Variants in DAPK1 observed in about 807,000 individuals in gnomAD.
DAPK1 encodes the protein death-associated protein kinase 1.
DAPK1 carries 56 observed loss-of-function variants against 144.9 expected under a neutral mutation model. The ratio of observed to expected loss-of-function variants is 0.39; its 90% confidence interval spans 0.31 to 0.48. The LOEUF is 0.48. Ranked by LOEUF, DAPK1 falls within the 20% of genes least tolerant of loss-of-function variation. DAPK1 has a pLI of 0.95. For synonymous variants in DAPK1, 690 were observed against 749.0 expected (o/e 0.92, Z 1.29); for missense variants, 1,454 against 1,875.4 (o/e 0.78, Z 4.15).
At chr9:87,687,175 G>A (rs1415286280) in intron 21 of DAPK1, among the ~76,000 whole-genome samples, 2 of 152,052 alleles carry the variant, frequency 1.3e-5, no homozygotes, top group African/African-American at 4.8e-5. Context: ...AAAATACAAC[G>A]CATTGTTAAC....
At chr9:87,566,769 T>C (rs1004683515) in intron 2 of DAPK1, among the ~76,000 whole-genome samples, 5 of 152,190 alleles carry the variant, frequency 3.3e-5, no homozygotes, top group East Asian at 1.9e-4. Context: ...GGTTGGACTC[T>C]TGGAAGGATG....
chr9:87,501,333 A>G (rs987061190), intron 2 of DAPK1, among the ~76,000 whole-genome samples: 4 of 152,236 alleles, frequency 2.6e-5, no homozygotes, highest in African/African-American at 9.6e-5. Flanking sequence ...AGCCTGGCTA[A>G]CATAGTGAAA....
chr9:87,651,313 T>C (rs1301665465), intron 16 of DAPK1, among the ~76,000 whole-genome samples: 1 of 152,228 alleles, frequency 6.6e-6, no homozygotes, highest in Non-Finnish European at 1.5e-5. Flanking sequence ...GCTTAGGCTG[T>C]GATTATTTAG....
rs560210526 is a variant in DAPK1 at position 87,528,473 on chromosome 9, C to T, written c.62+29334C>T. Among the ~76,000 whole-genome samples the T allele has an allele frequency of 3.9e-3, 596 of 152,266 alleles. 4 individuals are homozygous for T. The highest frequency in any genetic ancestry group is 0.013 in the African/African-American group (561 of 41,570). Reference sequence around the variant, plus strand: ...CCTCAGGTGATCCACCCGCCTCGGCCTCCCAAAGTGCTGGGATTACAGGCG... The same window carrying T: ...CCTCAGGTGATCCACCCGCCTCGGCTTCCCAAAGTGCTGGGATTACAGGCG... On this transcript the variant is annotated intron_variant, in intron 2 of 25. Transcript: ENST00000408954.
At chr9:87,572,937 G>T (rs535502454) in intron 2 of DAPK1, among the ~76,000 whole-genome samples, 1 of 152,184 alleles carries the variant, frequency 6.6e-6, no homozygotes, top group Non-Finnish European at 1.5e-5. Flanking sequence ...TTCTAAGCTA[G>T]ATATTGCCAA....
intron 19 of DAPK1, among the ~76,000 whole-genome samples, chr9:87,669,332 ATT>A (rs1831171080): frequency 1.8e-5 from 2 of 110,260 alleles, no homozygotes; most frequent in African/African-American, 5.0e-5. Flanking sequence ...ATAGGAGTTT[ATT>A]GCTTGGGGTG....
rs200968517 is a variant in DAPK1 at position 87,605,182 on chromosome 9, G to A, written c.284+7G>A. The A allele has an allele frequency of 2.5e-6, 4 of 1,607,764 alleles. No individual in the cohort carries two copies. In the Admixed American group the frequency reaches 6.7e-5, roughly 27 times the overall value. On this transcript the variant is annotated splice_region_variant and intron_variant, in intron 3 of 25. Coordinates refer to ENST00000408954, the MANE Select transcript of DAPK1 (RefSeq NM_004938.4). ...TCATCCTGATCTTGGAACTGTGAGT[G>A]CCGCCTGGGCCAGGCTGGGGAGAGG...
At chr9:87,626,197 C>T (rs146504040) in intron 3 of DAPK1, among the ~76,000 whole-genome samples, 11 of 152,312 alleles carry the variant, frequency 7.2e-5, no homozygotes, top group Non-Finnish European at 1.6e-4. Flanking sequence ...GGGTGGATCA[C>T]CTGAGGTCAG....
At chr9:87,503,398 G>C (rs1193542976) in intron 2 of DAPK1, among the ~76,000 whole-genome samples, 1 of 152,060 alleles carries the variant, frequency 6.6e-6, no homozygotes, top group African/African-American at 2.4e-5. Flanking sequence ...CCAAAGCTCT[G>C]AGATTATAGG....
chr9:87,687,805 C>A (rs1188976320), intron 21 of DAPK1, among the ~76,000 whole-genome samples: 1 of 80,262 alleles, frequency 1.2e-5, no homozygotes, highest in Admixed American at 1.3e-4. Context: ...CCAGCTTCTG[C>A]TATTTTTTTT....
At chr9:87,602,758 T>C (rs1035383788) in intron 2 of DAPK1, among the ~76,000 whole-genome samples, 10 of 152,028 alleles carry the variant, frequency 6.6e-5, no homozygotes, top group African/African-American at 2.4e-4. Flanking sequence ...CTCAGCCTCC[T>C]GAGTAGCTGA....
intron 2 of DAPK1, among the ~76,000 whole-genome samples, chr9:87,575,410 C>T (rs1478849294): frequency 2.0e-5 from 3 of 152,020 alleles, no homozygotes; most frequent in Admixed American, 6.6e-5. Flanking sequence ...AAATGGGCCT[C>T]GCCTCAGCAC....
chr9:87,609,584 G>A lies in DAPK1; in HGVS notation c.284+4409G>A, dbSNP rs377381036. Among the ~76,000 whole-genome samples the A allele has an allele frequency of 3.5e-4, 53 of 152,222 alleles. No individual in the cohort carries two copies. In the South Asian group the frequency reaches 9.6e-3, roughly 27 times the overall value. The stretch of plus-strand genomic sequence containing the variant: ...TTAAATCTGTCCAGGAGAAACAGTC[G>A]TCTTTGCCTTTGAGAAAATTATCAT... On this transcript the variant is annotated intron_variant, in intron 3 of 25. Coordinates refer to ENST00000408954, the MANE Select transcript of DAPK1 (RefSeq NM_004938.4).
At chr9:87,624,670 G>A (rs1406627238) in intron 3 of DAPK1, among the ~76,000 whole-genome samples, 2 of 152,194 alleles carry the variant, frequency 1.3e-5, no homozygotes, top group Non-Finnish European at 2.9e-5. Context: ...TCCAGATCCT[G>A]TGACACTCCT....
chr9:87,703,161 C>T lies in DAPK1; in HGVS notation c.3004C>T (p.Leu1002=). 1.2e-6 allele frequency: 2 copies of T among 1,612,702 alleles called. No homozygotes were observed. The highest frequency in any genetic ancestry group is 1.1e-5 in the South Asian group (1 of 91,074). The part of the protein sequence containing the change: ...VYDVQDQLNP[L]ASEEDLRRIA... ...CGACGTGCAGGACCAGCTGAACCCC[C>T]TGGCCAGCGAGGAGGACCTCAGGCG... Residue 1002 remains leucine (L), a synonymous_variant, in exon 25 of 26, where the codon CTG becomes TTG. Transcript: ENST00000408954.
At chr9:87,600,642 T>C (rs1188486104) in intron 2 of DAPK1, among the ~76,000 whole-genome samples, 2 of 152,044 alleles carry the variant, frequency 1.3e-5, no homozygotes, top group African/African-American at 2.4e-5. Context: ...CAGTACAAAA[T>C]CCATTAATAA....
At chr9:87,675,059 C>T (rs1026792818) in intron 19 of DAPK1, among the ~76,000 whole-genome samples, 1 of 152,066 alleles carries the variant, frequency 6.6e-6, no homozygotes, top group African/African-American at 2.4e-5. Flanking sequence ...TAAGTCAGGT[C>T]AAGGGGTGGC....
intron 1 of DAPK1, 92 bp downstream of exon 1, chr9:87,498,199 G>A: frequency 2.5e-6 from 1 of 396,634 alleles, no homozygotes; most frequent in South Asian, 1.4e-4. Flanking sequence ...TGTCCGGGCA[G>A]TGCCTCGAGC....
At chr9:87,703,264 A>G (rs1258629580) in intron 25 of DAPK1, 47 bp downstream of exon 25, 1 of 1,117,934 alleles carries the variant, frequency 8.9e-7, no homozygotes, top group African/African-American at 1.5e-5. Flanking sequence ...GGTGCCAGGG[A>G]CTCAGCCTGT....
Sources: gnomAD v4.1 joint callset for allele counts (sites outside exome capture counted in the v4.1 genomes callset) on GRCh38, gnomAD v4.1.1 for gene constraint, MANE v1.5 for transcripts, NCBI Gene and HGNC (gene_info 2026-07-23, HGNC 2026-07-21) for gene names.